ANO6: variants seen among roughly 807,000 people sequenced by gnomAD.
ANO6 encodes anoctamin-6.
A neutral mutation model predicts 117.5 loss-of-function variants in ANO6; 106 were observed. That is an observed-to-expected ratio of 0.90 (90% CI 0.77 to 1.06). The LOEUF (loss-of-function observed/expected upper bound fraction) is 1.06, where lower values mean the gene tolerates loss of function less well. Ranked by LOEUF, ANO6 falls within the 50% of genes least tolerant of loss-of-function variation. ANO6 has a pLI of 0.00. For synonymous variants in ANO6, 367 were observed against 385.1 expected (o/e 0.95, Z 0.55); for missense variants, 955 against 1,121.1 (o/e 0.85, Z 2.12).
intron 1 of ANO6, among the ~76,000 whole-genome samples, chr12:45,272,761 T>C (rs1363332983): frequency 6.6e-6 from 1 of 152,092 alleles, no homozygotes; most frequent in Non-Finnish European, 1.5e-5. Flanking sequence ...AAAACAAAAA[T>C]CAAAAATAGA....
At chr12:45,320,059 A>C (rs142409857) in intron 2 of ANO6, among the ~76,000 whole-genome samples, 2,386 of 152,262 alleles carry the variant, frequency 0.016, 54 homozygotes, top group African/African-American at 0.053. Flanking sequence ...TGATCATTTC[A>C]AAAAACCAGC....
intron 6 of ANO6, among the ~76,000 whole-genome samples, chr12:45,349,160 A>G (rs1424855077): frequency 6.6e-6 from 1 of 152,254 alleles, no homozygotes; most frequent in African/African-American, 2.4e-5. Context: ...ATTATCAACC[A>G]GAAAAGATTA....
intron 10 of ANO6, chr12:45,383,391 T>A (rs1433044198): frequency 1.3e-5 from 2 of 152,566 alleles, no homozygotes. Flanking sequence ...CTGTTAATGT[T>A]GACATCTTCA....
At chr12:45,369,341 C>T (rs946386414) in intron 9 of ANO6, among the ~76,000 whole-genome samples, 1 of 152,152 alleles carries the variant, frequency 6.6e-6, no homozygotes, top group Non-Finnish European at 1.5e-5. Context: ...GCAATAAGAC[C>T]AGAGGCAGAT....
intron 1 of ANO6, among the ~76,000 whole-genome samples, chr12:45,280,286 C>T (rs61559352): frequency 0.023 from 3,545 of 152,162 alleles, 113 homozygotes; most frequent in African/African-American, 0.077. Context: ...GGCATGTCAC[C>T]GTGACTTTGA....
intron 1 of ANO6, among the ~76,000 whole-genome samples, chr12:45,296,888 G>A (rs1399218165): frequency 6.6e-6 from 1 of 152,118 alleles, no homozygotes; most frequent in Non-Finnish European, 1.5e-5. Context: ...TTCTGATTAC[G>A]TGACTTCATA....
intron 12 of ANO6, among the ~76,000 whole-genome samples, chr12:45,398,135 T>A (rs1255486578): frequency 6.6e-6 from 1 of 152,178 alleles, no homozygotes; most frequent in East Asian, 1.9e-4. Context: ...CCAGAAGATA[T>A]ATTTGTTAAC....
chr12:45,400,147 C>T (rs1033009749), intron 12 of ANO6, among the ~76,000 whole-genome samples: 3 of 152,118 alleles, frequency 2.0e-5, no homozygotes, highest in Admixed American at 2.0e-4. Context: ...CCTCTCTTTT[C>T]TCATCAGTAA....
chr12:45,403,704 C>A lies in ANO6; in HGVS notation c.1880+168C>A, dbSNP rs1942859728. Among the ~76,000 whole-genome samples, 3 of 152,184 alleles carry A rather than the reference C, an allele frequency of 2.0e-5. No individual in the cohort carries two copies. The South Asian group carries it at 6.2e-4, about 31-fold the overall frequency. On this transcript the variant is annotated intron_variant, in intron 15 of 19. Transcript: ENST00000320560. ...TCTCCAGACAACATAGTCCAACCAA[C>A]AATGCAAATGTATCCAGGATCTAAT...
rs775604767 is a variant in ANO6 at position 45,348,171 on chromosome 12, G to T, written c.489G>T (p.Trp163Cys). 5 of 1,614,070 alleles carry T rather than the reference G, an allele frequency of 3.1e-6. No homozygotes were observed. The change falls in exon 5 of 20, where the codon TGG (tryptophan) becomes TGT (cysteine). Residue 163 changes from tryptophan to cysteine, a missense_variant. By Grantham distance (215) the Trp-to-Cys change is radical (BLOSUM62 -2). Transcript: ENST00000320560. ...CCTCAGCCTTTGGTACACTCAACTG[G>T]TTTACCAAAGTCCTCAGTGTAGACG... The part of the protein sequence containing the change: ...NRSSAFGTLN[W>C]FTKVLSVDES...
intron 1 of ANO6, among the ~76,000 whole-genome samples, chr12:45,280,993 T>C (rs967805173): frequency 1.3e-5 from 2 of 152,152 alleles, no homozygotes; most frequent in African/African-American, 4.8e-5. Flanking sequence ...TGTTAATGCC[T>C]TCACCTATGC....
Position 45,431,149 on chromosome 12 carries a change from A to G in ANO6, c.*1838A>G, listed in dbSNP as rs756235093. ...TTCACTGTCTCTCTTGATCGTGTTA[A>G]TGATGCAATCAGAGTTCAAGACAGG... is the stretch of plus-strand genomic sequence containing the variant. On this transcript the variant is annotated 3_prime_UTR_variant, in exon 20 of 20. Transcript: ENST00000320560. 5.0e-5 allele frequency: 49 copies of G among 985,198 alleles called. No homozygotes were observed. The highest frequency in any genetic ancestry group is 5.8e-5 in the Non-Finnish European group (48 of 829,844). 61.0% of individuals were successfully genotyped at this position (985,198 alleles called of 1,614,324 possible).
intron 12 of ANO6, among the ~76,000 whole-genome samples, chr12:45,392,693 C>T (rs1418943370): frequency 2.6e-5 from 4 of 152,212 alleles, no homozygotes; most frequent in African/African-American, 9.6e-5. Context: ...GCAGCCTCCG[C>T]TGGTGATACC....
At chr12:45,336,829 C>A (rs755762031) in intron 3 of ANO6, among the ~76,000 whole-genome samples, 8 of 151,912 alleles carry the variant, frequency 5.3e-5, no homozygotes, top group African/African-American at 4.8e-5. Flanking sequence ...CAGCCTCAGG[C>A]AGGTACTTCA....
At chr12:45,384,824 AT>A (rs1199879919) in intron 10 of ANO6, among the ~76,000 whole-genome samples, 1 of 152,236 alleles carries the variant, frequency 6.6e-6, no homozygotes, top group Non-Finnish European at 1.5e-5. Context: ...GAAAAATGGC[AT>A]TGATAGAGGC....
At chr12:45,268,192 A>C (rs1938282154) in intron 1 of ANO6, among the ~76,000 whole-genome samples, 4 of 151,142 alleles carry the variant, frequency 2.6e-5, no homozygotes, top group Admixed American at 2.6e-4. Flanking sequence ...CAGTTCCCCC[A>C]CTACTCCATT....
intron 1 of ANO6, among the ~76,000 whole-genome samples, chr12:45,233,065 A>G (rs999049729): frequency 1.3e-5 from 2 of 152,210 alleles, no homozygotes; most frequent in Non-Finnish European, 2.9e-5. Flanking sequence ...ATGGCTCTCC[A>G]GACTTCTACT....
In ANO6 at chr12:45,388,155, T is replaced by C; in HGVS notation, c.1166-6T>C. The C allele has an allele frequency of 6.2e-7, 1 of 1,613,894 alleles. No homozygotes were observed. The highest frequency in any genetic ancestry group is 8.5e-7 in the Non-Finnish European group (1 of 1,179,806). ...ATCCACACAAGCTCTTCTGTCTCTCTGTTAGTTACCTTGTTTTTGGAGTTT... is the reference window on the plus strand; with the variant it reads ...ATCCACACAAGCTCTTCTGTCTCTCCGTTAGTTACCTTGTTTTTGGAGTTT... On this transcript the variant is annotated splice_region_variant and splice_polypyrimidine_tract_variant and intron_variant, in intron 10 of 19. Transcript: ENST00000320560.
chr12:45,227,931 C>G (rs1947510249), intron 1 of ANO6, among the ~76,000 whole-genome samples: 1 of 152,138 alleles, frequency 6.6e-6, no homozygotes, highest in Non-Finnish European at 1.5e-5. Context: ...TCTTGCAGAT[C>G]TTTGGGCAGA....
Sources: gnomAD v4.1 joint callset for allele counts (sites outside exome capture counted in the v4.1 genomes callset) on GRCh38, gnomAD v4.1.1 for gene constraint, MANE v1.5 for transcripts, NCBI Gene and HGNC (gene_info 2026-07-23, HGNC 2026-07-21) for gene names.